The following CALN1 variants were observed in gnomAD, a reference collection of about 807,000 sequenced individuals.
CALN1 encodes the protein calneuron 1.
CALN1 carries 17 observed loss-of-function variants against 30.6 expected under a neutral mutation model. The observed-to-expected ratio is 0.56, with a 90% CI of 0.38 to 0.83. CALN1 has a LOEUF of 0.83. CALN1 is among the 40% of genes least tolerant of loss of function. CALN1 has a pLI of 0.00. For synonymous variants in CALN1, 156 were observed against 131.4 expected, an observed-to-expected ratio of 1.19 and a Z score of -1.28; for missense variants, 291 against 354.9, an observed-to-expected ratio of 0.82 and a Z score of 1.45.
intron 1 of CALN1, among the ~76,000 whole-genome samples, chr7:72,417,692 G>A (rs1030484608): frequency 3.2e-4 from 49 of 152,118 alleles, no homozygotes; most frequent in Admixed American, 5.9e-4. Context: ...AATTCTTGGC[G>A]GCAGAGTTGG....
intron 5 of CALN1, among the ~76,000 whole-genome samples, chr7:71,822,350 G>A (rs1396753610): frequency 3.3e-5 from 5 of 152,204 alleles, no homozygotes; most frequent in Admixed American, 6.5e-5. Flanking sequence ...CCGGGTTCAA[G>A]TGATTCTCCA....
chr7:71,790,395 A>G (rs1429743623), intron 6 of CALN1, among the ~76,000 whole-genome samples: 1 of 115,994 alleles, frequency 8.6e-6, no homozygotes, highest in Non-Finnish European at 1.7e-5. Flanking sequence ...AAAGAAAGAA[A>G]GAAAGAAAGA....
At chr7:72,460,005 G>A in the CALN1 span, among the ~76,000 whole-genome samples, 1 of 152,172 alleles carries the variant, frequency 6.6e-6, no homozygotes, top group Admixed American at 6.6e-5. Flanking sequence ...TCTGCATCTG[G>A]GAAAGCTTCA....
intron 3 of CALN1, among the ~76,000 whole-genome samples, chr7:72,145,821 G>A (rs1304883053): frequency 6.6e-6 from 1 of 152,134 alleles, no homozygotes; most frequent in African/African-American, 2.4e-5. Context: ...TTCAACATAT[G>A]CAAATCAATA....
At position 72,388,070 on chromosome 7, in the gene CALN1, C is replaced by T. The variant is rs143705976; in HGVS notation, c.119+15181G>A. ...TTGCCATTGACTTTTAATGGTGAAACGCAAAATTGCTTTTGCACCAACCTA... is the reference window on the plus strand; with the variant it reads ...TTGCCATTGACTTTTAATGGTGAAATGCAAAATTGCTTTTGCACCAACCTA... On this transcript the variant is annotated intron_variant, in intron 2 of 6. Coordinates refer to ENST00000395275, the MANE Select transcript of CALN1 (RefSeq NM_031468.4). Among the ~76,000 whole-genome samples, 281 of 152,018 alleles carry T rather than the reference C, an allele frequency of 1.8e-3. 4 individuals are homozygous for T. In the East Asian group the frequency reaches 0.025, roughly 14 times the overall value.
chr7:72,435,720 C>G (rs1223114077), intron 1 of CALN1, among the ~76,000 whole-genome samples: 2 of 152,204 alleles, frequency 1.3e-5, no homozygotes, highest in Non-Finnish European at 2.9e-5. Context: ...GGCTCCGGCA[C>G]AAGCAAATGC....
At chr7:71,986,173 G>C (rs553223372) in intron 5 of CALN1, among the ~76,000 whole-genome samples, 5 of 151,854 alleles carry the variant, frequency 3.3e-5, no homozygotes, top group African/African-American at 9.7e-5. Context: ...TCAGCCTCCC[G>C]AGCAGCTGGG....
chr7:72,337,006 G>A (rs1025639401), intron 2 of CALN1: 23 of 985,412 alleles, frequency 2.3e-5, no homozygotes, highest in Admixed American at 1.2e-4. Flanking sequence ...CTCTGCTCTC[G>A]TCTGGGGACG....
chr7:71,973,703 A>G (rs1233333240), intron 5 of CALN1, among the ~76,000 whole-genome samples: 1 of 151,902 alleles, frequency 6.6e-6, no homozygotes, highest in African/African-American at 2.4e-5. Context: ...GATGCATGAT[A>G]ATTTGATGAG....
At chr7:72,391,514 G>A (rs1464010246) in intron 2 of CALN1, among the ~76,000 whole-genome samples, 1 of 152,072 alleles carries the variant, frequency 6.6e-6, no homozygotes, top group Non-Finnish European at 1.5e-5. Flanking sequence ...TATGGCCCCT[G>A]ATATAATTTG....
intron 2 of CALN1, among the ~76,000 whole-genome samples, chr7:72,345,616 G>A (rs889932712): frequency 1.3e-5 from 2 of 151,864 alleles, no homozygotes; most frequent in Admixed American, 6.6e-5. Context: ...AAGGAACCAA[G>A]CAGCAGGAAG....
chr7:72,319,423 T>C (rs1800718394), intron 2 of CALN1, among the ~76,000 whole-genome samples: 1 of 152,160 alleles, frequency 6.6e-6, no homozygotes, highest in Non-Finnish European at 1.5e-5. Flanking sequence ...ACTTATTCGC[T>C]ATCACGAGAA....
chr7:71,786,660 A>G lies in CALN1; in HGVS notation c.*1115T>C. The G allele has an allele frequency of 6.6e-6, 1 of 151,838 alleles. No individual in the cohort carries two copies. The highest frequency in any genetic ancestry group is 3.2e-3 in the Middle Eastern group (1 of 316). 9.4% of individuals were successfully genotyped at this position (151,838 alleles called of 1,614,324 possible). On this transcript the variant is annotated 3_prime_UTR_variant, in exon 7 of 7. Transcript: ENST00000395275. ...TGATCTCTCCATCTTTCCATTTTGG[A>G]TTGCATTTCTCTTTTTAGCTGGGGA...
At chr7:72,214,567 A>G (rs1170768850) in intron 3 of CALN1, among the ~76,000 whole-genome samples, 2 of 152,232 alleles carry the variant, frequency 1.3e-5, no homozygotes, top group East Asian at 3.9e-4. Context: ...GCAGTGAGCT[A>G]TGATTGCACC....
intron 5 of CALN1, among the ~76,000 whole-genome samples, chr7:71,930,243 T>C (rs1486916157): frequency 2.0e-5 from 3 of 152,218 alleles, no homozygotes; most frequent in Non-Finnish European, 4.4e-5. Flanking sequence ...CTTACTGGTA[T>C]CTGTCTTTTT....
At chr7:71,893,599 G>C (rs1793375349) in intron 5 of CALN1, among the ~76,000 whole-genome samples, 1 of 151,934 alleles carries the variant, frequency 6.6e-6, no homozygotes, top group Non-Finnish European at 1.5e-5. Flanking sequence ...GCTGAGGATG[G>C]AGATTCACTT....
intron 4 of CALN1, among the ~76,000 whole-genome samples, chr7:72,089,183 AAG>A (rs1207799188): frequency 6.6e-6 from 1 of 152,164 alleles, no homozygotes; most frequent in Admixed American, 6.5e-5. Flanking sequence ...AGAAAAGAGA[AAG>A]AGATAACATT....
intron 5 of CALN1, among the ~76,000 whole-genome samples, chr7:71,892,432 T>C (rs1584459775): frequency 6.6e-6 from 1 of 152,022 alleles, no homozygotes; most frequent in African/African-American, 2.4e-5. Context: ...AGGCCAGGAG[T>C]TCGAGACCAG....
At chr7:72,484,471 G>C in the CALN1 span, among the ~76,000 whole-genome samples, 1 of 152,174 alleles carries the variant, frequency 6.6e-6, no homozygotes, top group African/African-American at 2.4e-5. Flanking sequence ...ACTATTCCCA[G>C]TCCTGCGTGT....
Sources: gnomAD v4.1 joint callset for allele counts (sites outside exome capture counted in the v4.1 genomes callset) on GRCh38, gnomAD v4.1.1 for gene constraint, MANE v1.5 for transcripts, NCBI Gene and HGNC (gene_info 2026-07-23, HGNC 2026-07-21) for gene names.